Variants in OLFML2B observed in about 807,000 individuals in gnomAD.
OLFML2B encodes the protein olfactomedin-like protein 2B.
In OLFML2B, 57 loss-of-function variants were observed where a neutral mutation model predicts 74.9. The observed-to-expected ratio is 0.76, with a 90% CI of 0.61 to 0.95. The LOEUF is 0.95. Among genes scored for constraint, OLFML2B ranks in the 40% least tolerant of loss-of-function variants. The pLI, the probability that OLFML2B is intolerant of heterozygous loss-of-function variation, is 0.00. For synonymous variants in OLFML2B, 388 were observed against 405.8 expected, an observed-to-expected ratio of 0.96 and a Z score of 0.53; for missense variants, 986 against 970.6, an observed-to-expected ratio of 1.02 and a Z score of -0.21.
chr1:162,006,055 G>A (rs1690220703), intron 4 of OLFML2B, among the ~76,000 whole-genome samples: 1 of 152,150 alleles, frequency 6.6e-6, no homozygotes, highest in Non-Finnish European at 1.5e-5. Flanking sequence ...AATGGGGGCT[G>A]GGACTCAGAC....
rs863224947 is a variant in OLFML2B at position 161,998,260 on chromosome 1, G to A, written c.1039C>T (p.Arg347Trp). 6.2e-6 allele frequency: 10 copies of A among 1,608,958 alleles called. No homozygotes were observed. Among genetic ancestry groups the A allele is most frequent in the African/African-American group, 2.7e-5 (2 of 74,828 alleles). The change falls in exon 6 of 8, where the codon CGG (arginine) becomes TGG (tryptophan). Residue 347 changes from arginine to tryptophan, a missense_variant. Arg to Trp is a moderately radical substitution (Grantham distance 101). Coordinates refer to ENST00000294794, the MANE Select transcript of OLFML2B (RefSeq NM_015441.3). ...RHNGLMTSVT[R>W]RPAATRQGHS... ...CCCTGACGGGTGGCTGCAGGCCTCC[G>A]GGTGACACTGGTCATCAGGCCGTTG...
chr1:162,006,392 C>G lies in OLFML2B; in HGVS notation c.628G>C (p.Gly210Arg). ...ATGTTTTCAGAGCAATTTTCTTTGC[C>G]TCGCTTATTCATCTCGGTTCGAATT... is the stretch of plus-strand genomic sequence containing the variant. ...EEIRTEMNKR[G>R]KENCSENILD... Residue 210 changes from glycine to arginine, a missense_variant, in exon 4 of 8, where the codon GGC becomes CGC. Physicochemically the swap from Gly to Arg is moderately radical, Grantham distance 125. Transcript: ENST00000294794. 1.9e-6 allele frequency: 3 copies of G among 1,612,554 alleles called. No homozygotes were observed. The highest frequency in any genetic ancestry group is 1.7e-4 in the Middle Eastern group (1 of 6,056).
At chr1:162,007,160 C>G (rs1249108396) in intron 3 of OLFML2B, among the ~76,000 whole-genome samples, 2 of 152,222 alleles carry the variant, frequency 1.3e-5, no homozygotes, top group African/African-American at 4.8e-5. Context: ...TCAACCAACA[C>G]TGGTGAGTAC....
intron 5 of OLFML2B, 103 bp downstream of exon 5, chr1:162,000,010 G>A (rs1435815580): frequency 2.4e-6 from 2 of 829,978 alleles, no homozygotes; most frequent in Non-Finnish European, 3.9e-6. Context: ...GGAATGCTGT[G>A]TATGGAGGGG....
At chr1:162,003,198 C>A (rs941258658) in intron 4 of OLFML2B, among the ~76,000 whole-genome samples, 1 of 152,206 alleles carries the variant, frequency 6.6e-6, no homozygotes, top group African/African-American at 2.4e-5. Flanking sequence ...CTGCCCTAGT[C>A]CTCCGGGTCA....
Position 162,019,944 on chromosome 1 carries a change from C to T in OLFML2B, c.413G>A (p.Arg138Gln), listed in dbSNP as rs771554171. The T allele has an allele frequency of 1.7e-5, 27 of 1,614,048 alleles. No homozygotes were observed. In the East Asian group the frequency reaches 2.9e-4, roughly 17 times the overall value. Residue 138 changes from arginine to glutamine, a missense_variant, in exon 2 of 8, where the codon CGG becomes CAG. By Grantham distance (43) the Arg-to-Gln change is conservative. Coordinates refer to ENST00000294794, the MANE Select transcript of OLFML2B (RefSeq NM_015441.3). ...CTTCAAGTCCTGGCTGTCTGCCTCC[C>T]GCAGCTTCTGGAGCCTGAAGTCTCC... ...CEGDFRLQKL[R>Q]EADSQDLKLS...
At chr1:162,007,133 T>C (rs1163888599) in intron 3 of OLFML2B, among the ~76,000 whole-genome samples, 2 of 152,238 alleles carry the variant, frequency 1.3e-5, no homozygotes, top group Admixed American at 6.5e-5. Flanking sequence ...CCAGAGAAGA[T>C]CAAGGCTACA....
chr1:161,991,083 G>A (rs999753400), intron 6 of OLFML2B, among the ~76,000 whole-genome samples: 1 of 152,174 alleles, frequency 6.6e-6, no homozygotes, highest in Admixed American at 6.5e-5. Context: ...CTCCACTGAA[G>A]ACTTGAACCC....
rs763802367 is a variant in OLFML2B at position 161,984,828 on chromosome 1, G to A, written c.1627C>T (p.Arg543Trp). Residue 543 changes from arginine (R) to tryptophan (W), a missense_variant, in exon 7 of 8, where the codon CGG becomes TGG. By Grantham distance (101) the Arg-to-Trp change is moderately radical. Transcript: ENST00000294794. ...YYYGNTLVEF[R>W]NLENFKQGRW... The stretch of plus-strand genomic sequence containing the variant: ...CCTTGTTTGAAGTTCTCCAGGTTCC[G>A]GAACTCTACCAGGGTGTTGCCGTAG... The A allele has an allele frequency of 9.3e-6, 15 of 1,613,430 alleles. No individual in the cohort carries two copies. Among genetic ancestry groups the A allele is most frequent in the African/African-American group, 2.7e-5 (2 of 74,708 alleles).
chr1:161,984,198 T>C lies in OLFML2B; in HGVS notation c.1730A>G (p.Tyr577Cys), dbSNP rs766314088. Residue 577 changes from tyrosine to cysteine, a missense_variant, in exon 8 of 8, where the codon TAC becomes TGC. Tyr to Cys is a radical substitution (Grantham distance 194). Coordinates refer to ENST00000294794, the MANE Select transcript of OLFML2B (RefSeq NM_015441.3). The part of the protein sequence containing the change: ...GHVVYNGAFY[Y>C]NRAFTRNIIK... ...GATGTTGCGGGTGAAGGCGCGATTG[T>C]AGTAGAAGGCGCCATTGTATACCAC... The C allele has an allele frequency of 2.5e-6, 4 of 1,589,618 alleles. No individual in the cohort carries two copies. Among genetic ancestry groups the C allele is most frequent in the East Asian group, 2.2e-5 (1 of 44,710 alleles).
intron 3 of OLFML2B, among the ~76,000 whole-genome samples, chr1:162,015,222 T>G (rs966560081): frequency 2.0e-5 from 3 of 152,206 alleles, no homozygotes; most frequent in African/African-American, 7.2e-5. Flanking sequence ...AACTGTTTTT[T>G]GCAAAAACGA....
chr1:162,023,058 C>T (rs181604722), intron 1 of OLFML2B, among the ~76,000 whole-genome samples, 199 bp downstream of exon 1: 1 of 152,292 alleles, frequency 6.6e-6, no homozygotes, highest in Non-Finnish European at 1.5e-5. Context: ...ATTTGATGAC[C>T]TTTAAGCACC....
At chr1:161,997,760 T>C in intron 6 of OLFML2B, 65 bp downstream of exon 6, 1 of 1,513,734 alleles carries the variant, frequency 6.6e-7, no homozygotes, top group Non-Finnish European at 8.9e-7. Context: ...CCTCTCAAGA[T>C]ATTTCCAGGC....
At chr1:161,992,037 T>C (rs765375220) in intron 6 of OLFML2B, among the ~76,000 whole-genome samples, 46 of 152,240 alleles carry the variant, frequency 3.0e-4, no homozygotes, top group Non-Finnish European at 5.7e-4. Flanking sequence ...AGATGGCACC[T>C]TCTTCCAATG....
intron 5 of OLFML2B, 80 bp downstream of exon 5, chr1:162,000,033 A>G (rs1176298588): frequency 8.1e-6 from 9 of 1,107,460 alleles, no homozygotes; most frequent in Non-Finnish European, 1.1e-5. Context: ...TATGGCTCCC[A>G]GGAATCCAGC....
At chr1:161,992,993 A>G (rs1165802126) in intron 6 of OLFML2B, among the ~76,000 whole-genome samples, 4 of 135,926 alleles carry the variant, frequency 2.9e-5, no homozygotes, top group African/African-American at 1.1e-4. Flanking sequence ...GTGAAGTACA[A>G]CAAAGCAAAG....
At chr1:161,987,497 T>C (rs1168916318) in intron 6 of OLFML2B, among the ~76,000 whole-genome samples, 2 of 151,694 alleles carry the variant, frequency 1.3e-5, no homozygotes, top group African/African-American at 4.8e-5. Flanking sequence ...AAGACTGAAG[T>C]GATGTGGCCA....
At chr1:162,012,175 C>G (rs2101973903) in intron 3 of OLFML2B, among the ~76,000 whole-genome samples, 1 of 152,262 alleles carries the variant, frequency 6.6e-6, no homozygotes, top group East Asian at 1.9e-4. Flanking sequence ...AAATGACTTA[C>G]AGCAAACCCC....
intron 6 of OLFML2B, among the ~76,000 whole-genome samples, chr1:161,991,331 C>T (rs952406709): frequency 2.6e-5 from 4 of 152,224 alleles, no homozygotes; most frequent in Non-Finnish European, 5.9e-5. Context: ...AATCCATGGG[C>T]TTCAGAATGA....
Sources: gnomAD v4.1 joint callset for allele counts (sites outside exome capture counted in the v4.1 genomes callset) on GRCh38, gnomAD v4.1.1 for gene constraint, MANE v1.5 for transcripts, NCBI Gene and HGNC (gene_info 2026-07-23, HGNC 2026-07-21) for gene names.